The following LGSN variants were observed in gnomAD, a reference collection of about 807,000 sequenced individuals.
The protein encoded by LGSN is lengsin.
LGSN carries 21 observed loss-of-function variants against 19.5 expected under a neutral mutation model. The ratio of observed to expected loss-of-function variants is 1.07; its 90% CI spans 0.76 to 1.55. The LOEUF (loss-of-function observed/expected upper bound fraction) is 1.55, where lower values mean the gene tolerates loss of function less well. Among genes scored for constraint, LGSN ranks in the 40% most tolerant of loss-of-function variants. The probability of loss-of-function intolerance (pLI) is 0.00; values close to 1 mark genes in which losing one functional copy is unlikely to be tolerated. For missense variants in LGSN, 673 were observed against 608.5 expected (o/e 1.11, Z -1.12); for synonymous variants, 257 against 215.6 (o/e 1.19, Z -1.68).
At chr6:63,504,421 T>C in the LGSN span, among the ~76,000 whole-genome samples, 5 of 152,132 alleles carry the variant, frequency 3.3e-5, no homozygotes, top group Admixed American at 2.6e-4. Context: ...TTTTGTATTT[T>C]AGTAGAGACA....
At chr6:63,528,444 G>T in the LGSN span, among the ~76,000 whole-genome samples, 2 of 150,698 alleles carry the variant, frequency 1.3e-5, no homozygotes, top group Non-Finnish European at 3.0e-5. Context: ...TTTTTTTAAG[G>T]CCGGGTACAG....
At chr6:63,361,279 C>T in the LGSN span, among the ~76,000 whole-genome samples, 1 of 152,176 alleles carries the variant, frequency 6.6e-6, no homozygotes. Context: ...GCAGGCAGTC[C>T]TCCTTGAGCT....
upstream of LGSN, among the ~76,000 whole-genome samples, chr6:63,322,045 C>A (rs1209659394): frequency 1.3e-5 from 2 of 152,090 alleles, no homozygotes; most frequent in Non-Finnish European, 2.9e-5. Context: ...TTCATGAGAA[C>A]AGATTGCAGA....
At chr6:63,569,366 CCTT>C in the LGSN span, among the ~76,000 whole-genome samples, 2 of 152,210 alleles carry the variant, frequency 1.3e-5, no homozygotes, top group African/African-American at 4.8e-5. Context: ...CAGTGATTCT[CCTT>C]CTTCAGCCTC....
At chr6:63,432,187 A>AG in the LGSN span, among the ~76,000 whole-genome samples, 9 of 32,638 alleles carry the variant, frequency 2.8e-4, no homozygotes, top group Non-Finnish European at 3.5e-4. Context: ...AAGAAAGAAA[A>AG]GAAAAGAAAA....
chr6:63,319,531 T>C (rs1769006331), intron 1 of LGSN, among the ~76,000 whole-genome samples: 1 of 152,204 alleles, frequency 6.6e-6, no homozygotes, highest in African/African-American at 2.4e-5. Context: ...CCTTTAGTCA[T>C]TTAATCTCAA....
chr6:63,335,476 C>G, the LGSN span, among the ~76,000 whole-genome samples: 1 of 151,976 alleles, frequency 6.6e-6, no homozygotes, highest in Non-Finnish European at 1.5e-5. Flanking sequence ...TACAATAATG[C>G]CATTAAAAAG....
chr6:63,412,566 G>GAA, the LGSN span, among the ~76,000 whole-genome samples: 4 of 127,720 alleles, frequency 3.1e-5, no homozygotes, highest in Non-Finnish European at 6.3e-5. Flanking sequence ...AAGAAAGAAA[G>GAA]AAAGGAAGGA....
the LGSN span, among the ~76,000 whole-genome samples, chr6:63,359,730 CTTT>C: frequency 1.3e-5 from 2 of 152,044 alleles, no homozygotes; most frequent in African/African-American, 2.4e-5. Flanking sequence ...CTCTTTTCTT[CTTT>C]ATTAGTCTTG....
At chr6:63,427,093 AG>A in the LGSN span, among the ~76,000 whole-genome samples, 1 of 146,626 alleles carries the variant, frequency 6.8e-6, no homozygotes, top group Non-Finnish European at 1.5e-5. Flanking sequence ...CTTGTTACCC[AG>A]GAGTACAATG....
the LGSN span, among the ~76,000 whole-genome samples, chr6:63,476,746 G>A: frequency 6.6e-6 from 1 of 152,184 alleles, no homozygotes; most frequent in Non-Finnish European, 1.5e-5. Context: ...ACCCAGCCTT[G>A]GAAGTCACTC....
the LGSN span, among the ~76,000 whole-genome samples, chr6:63,531,508 T>G: frequency 6.6e-6 from 1 of 151,424 alleles, no homozygotes; most frequent in African/African-American, 2.4e-5. Flanking sequence ...CCATATCTAT[T>G]ATGCTTTTTT....
the LGSN span, among the ~76,000 whole-genome samples, chr6:63,376,247 T>C: frequency 6.6e-6 from 1 of 152,212 alleles, no homozygotes; most frequent in Non-Finnish European, 1.5e-5. Flanking sequence ...TCTTTTTTAC[T>C]TAACCCAAAA....
At chr6:63,378,219 A>G in the LGSN span, among the ~76,000 whole-genome samples, 1 of 152,186 alleles carries the variant, frequency 6.6e-6, no homozygotes, top group Non-Finnish European at 1.5e-5. Flanking sequence ...ACAACATCTC[A>G]TATCCGCAAC....
At chr6:63,483,780 C>T in the LGSN span, among the ~76,000 whole-genome samples, 1 of 151,878 alleles carries the variant, frequency 6.6e-6, no homozygotes, top group African/African-American at 2.4e-5. Context: ...GTATCTCTCT[C>T]CAAATTTTCT....
the LGSN span, among the ~76,000 whole-genome samples, chr6:63,525,174 A>C: frequency 2.2e-4 from 33 of 152,332 alleles, no homozygotes; most frequent in African/African-American, 7.5e-4. Flanking sequence ...TCTGGTACAG[A>C]TTTCAAAATT....
the LGSN span, among the ~76,000 whole-genome samples, chr6:63,370,404 G>A: frequency 6.6e-6 from 1 of 152,216 alleles, no homozygotes; most frequent in Non-Finnish European, 1.5e-5. Flanking sequence ...CTTATAAGCA[G>A]AGCTGTACAA....
At chr6:63,384,268 A>G in the LGSN span, among the ~76,000 whole-genome samples, 5 of 152,204 alleles carry the variant, frequency 3.3e-5, no homozygotes, top group South Asian at 1.0e-3. Flanking sequence ...AAATCTTGAT[A>G]AGCCTATACC....
At chr6:63,557,802 TTATC>T in the LGSN span, among the ~76,000 whole-genome samples, 3 of 152,184 alleles carry the variant, frequency 2.0e-5, no homozygotes, top group Non-Finnish European at 4.4e-5. Context: ...AGTTTGGACT[TTATC>T]TAAAAGTCAG....
Sources: gnomAD v4.1 joint callset for allele counts (sites outside exome capture counted in the v4.1 genomes callset) on GRCh38, gnomAD v4.1.1 for gene constraint, MANE v1.5 for transcripts, NCBI Gene and HGNC (gene_info 2026-07-23, HGNC 2026-07-21) for gene names.